CELF2: variants seen among roughly 807,000 people sequenced by gnomAD.
CELF2 encodes the protein CUGBP Elav-like family member 2.
In CELF2, 8 loss-of-function variants were observed where a neutral mutation model predicts 62.6. The observed-to-expected ratio is 0.13, with a 90% confidence interval of 0.07 to 0.23. The LOEUF is 0.23. Ranked by LOEUF, CELF2 falls within the 10% of genes least tolerant of loss-of-function variation. The pLI, the probability that CELF2 is intolerant of heterozygous loss-of-function variation, is 1.00. For synonymous variants in CELF2, 258 were observed against 250.0 expected, an observed-to-expected ratio of 1.03 and a Z score of -0.30; for missense variants, 333 against 671.0, an observed-to-expected ratio of 0.50 and a Z score of 5.56.
the CELF2 span, among the ~76,000 whole-genome samples, chr10:10,653,722 G>A: frequency 4.7e-4 from 70 of 147,942 alleles, no homozygotes; most frequent in Admixed American, 1.4e-3. Context: ...AAAGCAGTGT[G>A]TAGAGGGAAA....
At chr10:10,694,098 G>A in the CELF2 span, among the ~76,000 whole-genome samples, 1 of 150,092 alleles carries the variant, frequency 6.7e-6, no homozygotes, top group Non-Finnish European at 1.5e-5. Context: ...TTTTAATTGT[G>A]ATGTTAGGGT....
intron 1 of CELF2, among the ~76,000 whole-genome samples, chr10:11,155,671 C>T (rs2064213838): frequency 6.6e-6 from 1 of 152,172 alleles, no homozygotes; most frequent in Non-Finnish European, 1.5e-5. Context: ...ATACATATCC[C>T]TCTTCACAAG....
the CELF2 span, among the ~76,000 whole-genome samples, chr10:10,507,627 C>T: frequency 2.6e-5 from 4 of 152,114 alleles, no homozygotes; most frequent in Non-Finnish European, 5.9e-5. Context: ...CATCCTCAAA[C>T]ATGCATGGAA....
chr10:11,105,255 T>C (rs1196546431), intron 1 of CELF2, among the ~76,000 whole-genome samples: 1 of 152,234 alleles, frequency 6.6e-6, no homozygotes, highest in East Asian at 1.9e-4. Flanking sequence ...TGGGTTTGAA[T>C]CTACCTCACT....
chr10:11,281,262 G>A (rs2088595028), intron 8 of CELF2, among the ~76,000 whole-genome samples: 1 of 152,252 alleles, frequency 6.6e-6, no homozygotes, highest in Middle Eastern at 3.4e-3. Flanking sequence ...TTCATAAAAT[G>A]TCAGAGTTTG....
intron 1 of CELF2, among the ~76,000 whole-genome samples, chr10:11,088,150 C>T (rs1249723907): frequency 1.3e-5 from 2 of 152,110 alleles, no homozygotes; most frequent in African/African-American, 4.8e-5. Flanking sequence ...TGAGGCATGC[C>T]AGAAAGGAGG....
At chr10:11,142,377 C>T (rs547149395) in intron 1 of CELF2, among the ~76,000 whole-genome samples, 7 of 151,794 alleles carry the variant, frequency 4.6e-5, no homozygotes, top group South Asian at 4.2e-4. Context: ...TTTGGAGTGA[C>T]GATTAAAAGT....
intron 1 of CELF2, among the ~76,000 whole-genome samples, chr10:10,849,891 C>A (rs2059273059): frequency 6.6e-6 from 1 of 151,880 alleles, no homozygotes; most frequent in Non-Finnish European, 1.5e-5. Context: ...GCCTGTAATC[C>A]CAGGACTTTG....
chr10:10,691,899 G>A, the CELF2 span, among the ~76,000 whole-genome samples: 2 of 150,080 alleles, frequency 1.3e-5, no homozygotes, highest in Non-Finnish European at 3.0e-5. Context: ...TGTAGATTCT[G>A]GATATTAGCC....
At position 11,197,052 on chromosome 10, in the gene CELF2, A is replaced by AGAAAGAAAGAAG. The variant is rs2058030301; in HGVS notation, c.272-20365_272-20364insGAAGGAAAGAAA. 2.4e-3 allele frequency among the ~76,000 whole-genome samples: 77 copies of AGAAAGAAAGAAG among 31,686 alleles called. 5 individuals carry two copies. The highest frequency in any genetic ancestry group is 9.1e-3 in the African/African-American group (71 of 7,830). The allele number at this position is 31,686 out of a possible 152,430, so 20.8% of individuals were successfully genotyped here. On this transcript the variant is annotated intron_variant, in intron 2 of 12. Transcript: ENST00000633077. ...AAGAAAGAAAGAAAGAAAGAAAGAAAGAAAGAAAAGAAAGAAAGGAAAGAA... is the reference window on the plus strand; with the variant it reads ...AAGAAAGAAAGAAAGAAAGAAAGAAAGAAAGAAAGAAGGAAAGAAAAGAAAGAAAGGAAAGAA...
intron 1 of CELF2, among the ~76,000 whole-genome samples, chr10:10,868,888 A>T (rs1244198947): frequency 6.6e-6 from 1 of 152,196 alleles, no homozygotes; most frequent in Non-Finnish European, 1.5e-5. Flanking sequence ...GTCTTCATAG[A>T]ATTTAGTTTT....
chr10:10,671,579 C>T, the CELF2 span, among the ~76,000 whole-genome samples: 1 of 152,224 alleles, frequency 6.6e-6, no homozygotes, highest in African/African-American at 2.4e-5. Flanking sequence ...CTGTTACTCA[C>T]ATCCTCACCA....
At chr10:10,797,674 A>G (rs2054231039), upstream of CELF2, among the ~76,000 whole-genome samples, 1 of 152,168 alleles carries the variant, frequency 6.6e-6, no homozygotes, top group African/African-American at 2.4e-5. Context: ...AAGCCACTGG[A>G]CCAGATGATT....
At chr10:10,699,050 T>C in the CELF2 span, among the ~76,000 whole-genome samples, 1 of 152,018 alleles carries the variant, frequency 6.6e-6, no homozygotes, top group Non-Finnish European at 1.5e-5. Context: ...GTGTATGTTA[T>C]CTACGTATAT....
chr10:10,505,991 T>A, the CELF2 span, among the ~76,000 whole-genome samples: 229 of 152,312 alleles, frequency 1.5e-3, no homozygotes, highest in Non-Finnish European at 2.5e-3. Context: ...TTATACATAA[T>A]GTCCAGAGAT....
the CELF2 span, among the ~76,000 whole-genome samples, chr10:10,588,320 G>T: frequency 1.3e-5 from 2 of 152,160 alleles, no homozygotes; most frequent in Non-Finnish European, 2.9e-5. Context: ...GAACAAGCAG[G>T]TGAATGAGAC....
chr10:10,560,117 A>G, the CELF2 span, among the ~76,000 whole-genome samples: 7 of 152,264 alleles, frequency 4.6e-5, no homozygotes, highest in Non-Finnish European at 7.4e-5. Flanking sequence ...CAGGCTTCCC[A>G]AACACAGGTC....
the CELF2 span, among the ~76,000 whole-genome samples, chr10:10,585,931 T>C: frequency 2.0e-5 from 3 of 152,220 alleles, no homozygotes; most frequent in African/African-American, 7.2e-5. Flanking sequence ...TGTTTGCTTG[T>C]ATGTGTGAAG....
chr10:10,973,063 G>A (rs2050923591), intron 2 of CELF2, among the ~76,000 whole-genome samples: 1 of 152,166 alleles, frequency 6.6e-6, no homozygotes, highest in South Asian at 2.1e-4. Flanking sequence ...GCCGAGGCGG[G>A]TGGGTCACTC....
Sources: allele counts gnomAD v4.1 joint callset (sites outside exome capture counted in the v4.1 genomes callset), GRCh38; gene constraint gnomAD v4.1.1; transcripts MANE v1.5; gene names NCBI Gene and HGNC (gene_info 2026-07-23, HGNC 2026-07-21).